PLAC1: variants seen among roughly 807,000 people sequenced by gnomAD.
PLAC1 encodes placenta associated 1.
For synonymous variants in PLAC1, 68 were observed against 62.1 expected (o/e 1.09, Z -0.44); for missense variants, 136 against 163.2 (o/e 0.83, Z 0.91).
intron 1 of PLAC1, among the ~76,000 whole-genome samples, chrX:134,618,014 A>C (rs1832947420): frequency 8.9e-6 from 1 of 111,780 alleles, no homozygotes; most frequent in Non-Finnish European, 1.9e-5. Context: ...CCCTTTGGAC[A>C]CTATTATTGC....
At chrX:134,745,556 A>G (rs1395690632) in intron 1 of PLAC1, among the ~76,000 whole-genome samples, 1 of 112,140 alleles carries the variant, frequency 8.9e-6, no homozygotes, top group Non-Finnish European at 1.9e-5. Context: ...ATAATGAAAA[A>G]TAACCCTACC....
chrX:134,699,929 C>T (rs1255441106), intron 2 of PLAC1, among the ~76,000 whole-genome samples: 3 of 112,039 alleles, frequency 2.7e-5, no homozygotes, highest in Non-Finnish European at 5.6e-5. Flanking sequence ...TAATGAAACA[C>T]CAGTCACAGA....
chrX:134,603,269 TTATATATATATATATATATATATATA>T (rs1232261107), intron 1 of PLAC1, among the ~76,000 whole-genome samples: 4 of 6,917 alleles, frequency 5.8e-4, no homozygotes, highest in African/African-American at 9.4e-4. Context: ...TCTCTGTATT[TTATATATATATATATATATATATATA>T]TATATATATA....
At position 134,636,639 on chromosome X, in the gene PLAC1, C is replaced by T. The variant is rs771279243; in HGVS notation, c.-131+21689G>A. ...AAAAGCTTCCATGGATAAGGTGAAACTTAAAGAGAAACTTGAATGAAGTAT... is the reference window on the plus strand; with the variant it reads ...AAAAGCTTCCATGGATAAGGTGAAATTTAAAGAGAAACTTGAATGAAGTAT... On this transcript the variant is annotated intron_variant, in intron 1 of 2. Coordinates refer to ENST00000359237, the MANE Select transcript of PLAC1 (RefSeq NM_021796.4). Among the ~76,000 whole-genome samples the T allele has an allele frequency of 1.8e-4, 20 of 111,757 alleles. 1 individual carries two copies. The highest frequency in any genetic ancestry group is 9.5e-5 in the Admixed American group (1 of 10,546).
chrX:134,726,821 C>CCAAA (rs1556180901), intron 2 of PLAC1, among the ~76,000 whole-genome samples: 7 of 42,826 alleles, frequency 1.6e-4, no homozygotes, highest in African/African-American at 7.4e-4. Flanking sequence ...GACTCTGTCT[C>CCAAA]AAAAAAAAAA....
intron 1 of PLAC1, among the ~76,000 whole-genome samples, chrX:134,740,884 C>A (rs1044258994): frequency 8.9e-6 from 1 of 111,873 alleles, no homozygotes; most frequent in Non-Finnish European, 1.9e-5. Flanking sequence ...CCCTACAGCC[C>A]CTGGAGGAAG....
intron 2 of PLAC1, among the ~76,000 whole-genome samples, chrX:134,593,865 T>TCTTC (rs780621123): frequency 5.8e-4 from 65 of 112,127 alleles, no homozygotes; most frequent in Admixed American, 3.0e-3. Flanking sequence ...AAATGTTCTT[T>TCTTC]CTTCCTTTCT....
At chrX:134,617,209 G>A (rs2078187971) in intron 1 of PLAC1, among the ~76,000 whole-genome samples, 1 of 110,641 alleles carries the variant, frequency 9.0e-6, no homozygotes, top group African/African-American at 3.3e-5. Context: ...GGCTGGTCTC[G>A]AACTCCTGAA....
At chrX:134,600,651 ATT>A (rs1207166785) in intron 2 of PLAC1, among the ~76,000 whole-genome samples, 1 of 101,116 alleles carries the variant, frequency 9.9e-6, no homozygotes, top group Non-Finnish European at 2.0e-5. Flanking sequence ...ACCCGATCTC[ATT>A]TTTTTTTTTT....
intron 2 of PLAC1, among the ~76,000 whole-genome samples, chrX:134,576,402 T>C (rs765736044): frequency 1.8e-5 from 2 of 108,936 alleles, no homozygotes; most frequent in South Asian, 8.1e-4. Flanking sequence ...CTAGACATGG[T>C]GGCACATGCC....
intron 1 of PLAC1, among the ~76,000 whole-genome samples, chrX:134,619,226 A>T (rs1407862221): frequency 8.9e-6 from 1 of 112,501 alleles, no homozygotes; most frequent in Non-Finnish European, 1.9e-5. Flanking sequence ...ATTTGAGGAA[A>T]GCTGTAGATC....
chrX:134,680,545 G>GAACTAAACTAAACTAAACTA (rs560733130), intron 2 of PLAC1, among the ~76,000 whole-genome samples: 776 of 49,699 alleles, frequency 0.016, 18 homozygotes, highest in African/African-American at 0.035. Flanking sequence ...AAACTAAACT[G>GAACTAAACTAAACTAAACTA]AACTAAACTA....
intron 1 of PLAC1, among the ~76,000 whole-genome samples, chrX:134,750,827 ATATATATTTATATATATATT>A (rs2078740095): frequency 3.0e-5 from 1 of 33,531 alleles, no homozygotes; most frequent in East Asian, 7.5e-4. Context: ...ATATATATAT[ATATATATTTATATATATATT>A]TATATATATA....
chrX:134,588,835 G>T (rs1368107450), intron 2 of PLAC1, among the ~76,000 whole-genome samples: 1 of 111,404 alleles, frequency 9.0e-6, no homozygotes, highest in African/African-American at 3.3e-5. Context: ...AACAGCTCCG[G>T]TGTCAGGTGG....
chrX:134,662,127 C>G (rs1232661963), upstream of PLAC1, among the ~76,000 whole-genome samples: 2 of 110,545 alleles, frequency 1.8e-5, no homozygotes, highest in African/African-American at 6.6e-5. Context: ...CACCTGTGGT[C>G]CCAGCTGAGG....
intron 1 of PLAC1, among the ~76,000 whole-genome samples, chrX:134,611,187 T>C: frequency 9.0e-6 from 1 of 111,304 alleles, no homozygotes; most frequent in East Asian, 2.8e-4. Flanking sequence ...GCCTATACTT[T>C]TATGATAAAG....
intron 1 of PLAC1, among the ~76,000 whole-genome samples, chrX:134,626,048 G>A (rs2078235710): frequency 9.0e-6 from 1 of 110,958 alleles, no homozygotes; most frequent in African/African-American, 3.3e-5. Flanking sequence ...GCAAAAAGTG[G>A]AGCAGATTTC....
At chrX:134,586,547 TA>T (rs759411067) in intron 2 of PLAC1, among the ~76,000 whole-genome samples, 12 of 111,240 alleles carry the variant, frequency 1.1e-4, no homozygotes, top group African/African-American at 3.9e-4. Context: ...GGAAGAGTGG[TA>T]GGGGAAGGAC....
rs756339434 is a variant in PLAC1 at position 134,566,725 on chromosome X, C to T, written c.-43G>A. Reference sequence around the variant, plus strand: ...TAATGAACCACAGGAAACAGGAAGCCGTCCAGTGAGGATTTCTAGAGCACA... The same window carrying T: ...TAATGAACCACAGGAAACAGGAAGCTGTCCAGTGAGGATTTCTAGAGCACA... On this transcript the variant is annotated 5_prime_UTR_variant, in exon 3 of 3. Transcript: ENST00000359237. 5.6e-6 allele frequency: 6 copies of T among 1,063,161 alleles called. No individual in the cohort carries two copies. In the East Asian group the frequency reaches 9.1e-5, roughly 16 times the overall value. The allele number at this position is 1,063,161 out of a possible 1,213,427, so 87.6% of individuals were successfully genotyped here.
Sources: gnomAD v4.1 joint callset for allele counts (sites outside exome capture counted in the v4.1 genomes callset) on GRCh38, gnomAD v4.1.1 for gene constraint, MANE v1.5 for transcripts, NCBI Gene and HGNC (gene_info 2026-07-23, HGNC 2026-07-21) for gene names.